The following CREB5 variants were observed in gnomAD, a reference collection of about 807,000 sequenced individuals.
The protein encoded by CREB5 is cAMP responsive element binding protein 5.
A neutral mutation model predicts 57.1 loss-of-function variants in CREB5; 19 were observed. The ratio of observed to expected loss-of-function variants is 0.33; its 90% CI spans 0.23 to 0.49. The LOEUF is 0.49. Among genes scored for constraint, CREB5 ranks in the 20% least tolerant of loss-of-function variants. CREB5 has a pLI of 0.99. For missense variants in CREB5, 579 were observed against 671.6 expected (o/e 0.86, Z 1.52); for synonymous variants, 238 against 238.3 (o/e 1.00, Z 0.01).
rs145576356 is a variant in CREB5, at chr7:28,697,081, T to TAC, written c.465-21662_465-21661dup. ...ATATGCACACATACATATTTATATA[T>TAC]ACACACACACAATTTTTATGGAATA... is the stretch of plus-strand genomic sequence containing the variant. On this transcript the variant is annotated intron_variant, in intron 5 of 10. Coordinates refer to ENST00000357727, the MANE Select transcript of CREB5 (RefSeq NM_182898.4). 1.2e-4 allele frequency among the ~76,000 whole-genome samples: 18 copies of TAC among 152,120 alleles called. No individual in the cohort carries two copies. In the South Asian group the frequency reaches 3.3e-3, roughly 28 times the overall value.
chr7:28,315,866 C>G (rs1583665957), intron 1 of CREB5, among the ~76,000 whole-genome samples: 1 of 152,152 alleles, frequency 6.6e-6, no homozygotes, highest in East Asian at 1.9e-4. Context: ...GGAGGACTGG[C>G]TCACTGGCTG....
intron 1 of CREB5, among the ~76,000 whole-genome samples, chr7:28,453,207 G>A (rs763161712): frequency 8.5e-5 from 13 of 152,202 alleles, no homozygotes; most frequent in Non-Finnish European, 1.3e-4. Flanking sequence ...GGAGGCCAAG[G>A]TGGGAGGATT....
At chr7:28,739,984 T>A (rs1472743238) in intron 7 of CREB5, among the ~76,000 whole-genome samples, 1 of 152,144 alleles carries the variant, frequency 6.6e-6, no homozygotes, top group Non-Finnish European at 1.5e-5. Context: ...CACGGAATAG[T>A]CTCCCTTCTA....
At chr7:28,780,061 C>T (rs943519511) in intron 7 of CREB5, among the ~76,000 whole-genome samples, 1 of 152,184 alleles carries the variant, frequency 6.6e-6, no homozygotes, top group African/African-American at 2.4e-5. Flanking sequence ...TGAGCCACCA[C>T]GCCCAGCCAT....
chr7:28,460,875 G>T (rs10236647), intron 1 of CREB5, among the ~76,000 whole-genome samples: 1 of 151,954 alleles, frequency 6.6e-6, no homozygotes, highest in Non-Finnish European at 1.5e-5. Context: ...AGCCTGGAAG[G>T]GCTGGAAGAA....
chr7:28,358,769 C>T (rs1040211002), intron 1 of CREB5, among the ~76,000 whole-genome samples: 14 of 152,112 alleles, frequency 9.2e-5, no homozygotes, highest in Non-Finnish European at 2.1e-4. Flanking sequence ...AGTCAGTCCT[C>T]CCTCTGAGTC....
chr7:28,587,296 C>T (rs1230700628), intron 5 of CREB5, among the ~76,000 whole-genome samples: 1 of 152,144 alleles, frequency 6.6e-6, no homozygotes, highest in African/African-American at 2.4e-5. Flanking sequence ...ATTGCTGGCA[C>T]CTTTTATGTA....
chr7:28,740,218 G>T (rs957312979), intron 7 of CREB5, among the ~76,000 whole-genome samples: 1 of 152,100 alleles, frequency 6.6e-6, no homozygotes, highest in African/African-American at 2.4e-5. Flanking sequence ...TAGGCAGATC[G>T]AATGAAATTG....
chr7:28,493,132 C>A (rs1375828180), intron 2 of CREB5, among the ~76,000 whole-genome samples: 2 of 152,172 alleles, frequency 1.3e-5, no homozygotes, highest in Non-Finnish European at 1.5e-5. Flanking sequence ...CTCATGAATA[C>A]AAATCCATGC....
chr7:28,541,856 G>C (rs1397419563), intron 4 of CREB5, among the ~76,000 whole-genome samples: 2 of 152,110 alleles, frequency 1.3e-5, no homozygotes, highest in African/African-American at 4.8e-5. Flanking sequence ...CTTCTACTGT[G>C]GTTGAAAAGG....
intron 6 of CREB5, among the ~76,000 whole-genome samples, chr7:28,721,325 G>C (rs2128747882): frequency 6.6e-6 from 1 of 152,288 alleles, no homozygotes; most frequent in South Asian, 2.1e-4. Context: ...AGGTTGAGAA[G>C]CCCTGGTCTT....
At chr7:28,649,364 T>C (rs1436081326) in intron 5 of CREB5, among the ~76,000 whole-genome samples, 4 of 152,240 alleles carry the variant, frequency 2.6e-5, no homozygotes, top group Non-Finnish European at 5.9e-5. Context: ...AAAACTCAAA[T>C]GAATTCAAAT....
At chr7:28,631,908 G>A (rs1485482837) in intron 5 of CREB5, among the ~76,000 whole-genome samples, 1 of 152,200 alleles carries the variant, frequency 6.6e-6, no homozygotes, top group African/African-American at 2.4e-5. Context: ...CCTGCCAACA[G>A]AAGAGTAGAG....
intron 9 of CREB5, 32 bp downstream of exon 9, chr7:28,809,446 A>G: frequency 6.4e-7 from 1 of 1,560,114 alleles, no homozygotes; most frequent in Non-Finnish European, 8.7e-7. Context: ...CCCGCGACTC[A>G]AAGGCCCTCT....
At chr7:28,445,074 C>T (rs1789377322) in intron 1 of CREB5, among the ~76,000 whole-genome samples, 1 of 152,172 alleles carries the variant, frequency 6.6e-6, no homozygotes, top group South Asian at 2.1e-4. Flanking sequence ...GTGAATAAGT[C>T]TCACGAGAAC....
chr7:28,610,608 T>C (rs553854242), intron 5 of CREB5, among the ~76,000 whole-genome samples: 1 of 152,296 alleles, frequency 6.6e-6, no homozygotes, highest in East Asian at 1.9e-4. Flanking sequence ...AAAAGGTTTC[T>C]TCAAATGAAA....
intron 5 of CREB5, among the ~76,000 whole-genome samples, chr7:28,600,603 C>G (rs923525996): frequency 1.3e-5 from 2 of 152,172 alleles, no homozygotes; most frequent in Non-Finnish European, 2.9e-5. Context: ...AGACAGACTT[C>G]TGAAGATTTT....
At position 28,648,407 on chromosome 7, in the gene CREB5, C is replaced by T. The variant is rs114599468; in HGVS notation, c.465-70346C>T. Among the ~76,000 whole-genome samples the T allele has an allele frequency of 7.7e-3, 1,168 of 152,132 alleles. 12 individuals carry two copies. Among genetic ancestry groups the T allele is most frequent in the African/African-American group, 0.023 (940 of 41,494 alleles). On this transcript the variant is annotated intron_variant, in intron 5 of 10. Coordinates refer to ENST00000357727, the MANE Select transcript of CREB5 (RefSeq NM_182898.4). Reference sequence around the variant, plus strand: ...AATGAACAGGCTGTATTGCCCTCGACGCTGAACCTCTTGAGATATAAAGAG... The same window carrying T: ...AATGAACAGGCTGTATTGCCCTCGATGCTGAACCTCTTGAGATATAAAGAG...
intron 5 of CREB5, among the ~76,000 whole-genome samples, chr7:28,673,245 G>T (rs935588184): frequency 6.6e-6 from 1 of 152,048 alleles, no homozygotes; most frequent in African/African-American, 2.4e-5. Context: ...GGGCCTTTTG[G>T]GTCTAACACA....
Sources: allele counts gnomAD v4.1 joint callset (sites outside exome capture counted in the v4.1 genomes callset), GRCh38; gene constraint gnomAD v4.1.1; transcripts MANE v1.5; gene names NCBI Gene and HGNC (gene_info 2026-07-23, HGNC 2026-07-21).